Variants in ADAM9 observed in about 807,000 individuals in gnomAD.
ADAM9 encodes ADAM metallopeptidase domain 9, also known as disintegrin and metalloproteinase domain-containing protein 9.
A neutral mutation model predicts 108.1 loss-of-function variants in ADAM9; 54 were observed. That is an observed-to-expected ratio of 0.50 (90% CI 0.40 to 0.63). ADAM9 has a LOEUF of 0.63. ADAM9 is among the 20% of genes least tolerant of loss of function. The probability of loss-of-function intolerance (pLI) is 0.00; values close to 1 mark genes in which losing one functional copy is unlikely to be tolerated. For synonymous variants in ADAM9, 316 were observed against 336.0 expected (o/e 0.94, Z 0.65); for missense variants, 830 against 997.7 (o/e 0.83, Z 2.26).
intron 11 of ADAM9, among the ~76,000 whole-genome samples, chr8:39,027,303 T>C (rs564286339): frequency 6.6e-6 from 1 of 152,232 alleles, no homozygotes; most frequent in Non-Finnish European, 1.5e-5. Context: ...GATCCTGATA[T>C]ATTTCTATTA....
intron 2 of ADAM9, 119 bp from the exon 3 acceptor site, chr8:39,011,539 T>C: frequency 1.1e-6 from 1 of 875,502 alleles, no homozygotes; most frequent in East Asian, 2.5e-5. Context: ...ATTAAATAGT[T>C]CAGCCAATAC....
intron 20 of ADAM9, among the ~76,000 whole-genome samples, chr8:39,095,745 TGCTATTTA>T (rs1657917487): frequency 6.6e-6 from 1 of 152,208 alleles, no homozygotes. Flanking sequence ...AGTATTGGGT[TGCTATTTA>T]GCTCTCTCTC....
At chr8:39,046,446 C>T (rs539435259) in intron 12 of ADAM9, among the ~76,000 whole-genome samples, 1 of 152,016 alleles carries the variant, frequency 6.6e-6, no homozygotes, top group Non-Finnish European at 1.5e-5. Flanking sequence ...GATTTAGATG[C>T]CTTTTAGTTT....
chr8:39,005,645 A>G (rs2129431719), intron 1 of ADAM9, among the ~76,000 whole-genome samples: 1 of 152,348 alleles, frequency 6.6e-6, no homozygotes, highest in Non-Finnish European at 1.5e-5. Flanking sequence ...AAGCAGAGTC[A>G]GTCCAAATTG....
At chr8:38,999,272 A>G (rs1486416251) in intron 1 of ADAM9, among the ~76,000 whole-genome samples, 1 of 152,126 alleles carries the variant, frequency 6.6e-6, no homozygotes, top group Non-Finnish European at 1.5e-5. Context: ...ACCTTTTATA[A>G]CATTGTCTCA....
chr8:39,000,010 C>T (rs1479353169), intron 1 of ADAM9, among the ~76,000 whole-genome samples: 1 of 152,092 alleles, frequency 6.6e-6, no homozygotes, highest in Non-Finnish European at 1.5e-5. Context: ...TTTTGTATCT[C>T]AGTAGCTAAT....
chr8:39,027,908 A>C (rs961595922), intron 11 of ADAM9, among the ~76,000 whole-genome samples: 1 of 152,078 alleles, frequency 6.6e-6, no homozygotes, highest in Non-Finnish European at 1.5e-5. Flanking sequence ...GTCTCTAAAA[A>C]AAAATAAATA....
intron 19 of ADAM9, among the ~76,000 whole-genome samples, chr8:39,090,645 A>G (rs1839323365): frequency 6.6e-6 from 1 of 152,214 alleles, no homozygotes; most frequent in Non-Finnish European, 1.5e-5. Context: ...TATGTTGGTC[A>G]GCCTTTAGGC....
intron 18 of ADAM9, 21 bp downstream of exon 18, chr8:39,083,094 T>C: frequency 1.3e-6 from 2 of 1,599,986 alleles, no homozygotes; most frequent in Non-Finnish European, 1.7e-6. Context: ...TAGAAGAAAA[T>C]TAGTGTGATC....
intron 11 of ADAM9, 43 bp from the exon 12 acceptor site, chr8:39,041,903 G>T: frequency 6.4e-7 from 1 of 1,558,574 alleles, no homozygotes. Flanking sequence ...TTCAAAGTGA[G>T]TAATCACTGT....
chr8:39,002,421 T>G (rs1588317470), intron 1 of ADAM9, among the ~76,000 whole-genome samples: 1 of 146,580 alleles, frequency 6.8e-6, no homozygotes, highest in South Asian at 2.1e-4. Flanking sequence ...CAGGTTCAAG[T>G]GATTCTTCTG....
chr8:39,055,790 A>G lies in ADAM9; in HGVS notation c.1591+18A>G. 2 of 1,603,700 alleles carry G rather than the reference A, an allele frequency of 1.2e-6. No homozygotes were observed. Among genetic ancestry groups the G allele is most frequent in the Non-Finnish European group, 1.7e-6 (2 of 1,171,792 alleles). The stretch of plus-strand genomic sequence containing the variant: ...TGGCTCAAGTAAGATATCATCATTT[A>G]TAATTGATTGCTTCGATATTATTTA... On this transcript the variant is annotated intron_variant, in intron 14 of 21. Transcript: ENST00000487273.
At chr8:39,045,587 T>TATATATATATATATAA (rs1230398174) in intron 12 of ADAM9, among the ~76,000 whole-genome samples, 1 of 148,830 alleles carries the variant, frequency 6.7e-6, no homozygotes, top group African/African-American at 2.5e-5. Context: ...TATATATATA[T>TATATATATATATATAA]AAAAGATTTT....
Position 39,090,197 on chromosome 8 carries a change from A to AT in ADAM9, c.2210+16dup, listed in dbSNP as rs758789276. Reference sequence around the variant, plus strand: ...AGATCACAAACATATGAGTACTTAGATTTTTTTCTTTTAATTCCTATATTA... The same window carrying AT: ...AGATCACAAACATATGAGTACTTAGATTTTTTTTCTTTTAATTCCTATATTA... On this transcript the variant is annotated intron_variant, in intron 19 of 21. Transcript: ENST00000487273. The AT allele has an allele frequency of 5.6e-6, 9 of 1,609,128 alleles. No homozygotes were observed. Among genetic ancestry groups the AT allele is most frequent in the South Asian group, 4.4e-5 (4 of 90,354 alleles).
At chr8:39,025,919 G>T (rs1178110418) in intron 10 of ADAM9, 35 bp downstream of exon 10, 1 of 1,579,310 alleles carries the variant, frequency 6.3e-7, no homozygotes, top group East Asian at 2.2e-5. Flanking sequence ...TTGGATGTTT[G>T]CACTGGGACA....
At chr8:39,046,839 G>A (rs1205566567) in intron 12 of ADAM9, among the ~76,000 whole-genome samples, 1 of 151,944 alleles carries the variant, frequency 6.6e-6, no homozygotes, top group Non-Finnish European at 1.5e-5. Context: ...TGTGAACACA[G>A]CTCACTGCAG....
intron 12 of ADAM9, among the ~76,000 whole-genome samples, chr8:39,048,430 T>G (rs1837845111): frequency 6.6e-6 from 1 of 152,226 alleles, no homozygotes; most frequent in Non-Finnish European, 1.5e-5. Flanking sequence ...TCCATTTTGG[T>G]CAGAAAATAT....
intron 12 of ADAM9, among the ~76,000 whole-genome samples, chr8:39,045,261 T>C (rs1029209729): frequency 6.8e-6 from 1 of 147,282 alleles, no homozygotes; most frequent in African/African-American, 2.5e-5. Flanking sequence ...TATGTGTATA[T>C]ATGTGTATAC....
chr8:39,042,605 C>G (rs1437394219), intron 12 of ADAM9, among the ~76,000 whole-genome samples: 1 of 151,998 alleles, frequency 6.6e-6, no homozygotes, highest in Non-Finnish European at 1.5e-5. Flanking sequence ...GTAAAAGCAA[C>G]CTTACACACG....
Sources: allele counts gnomAD v4.1 joint callset (sites outside exome capture counted in the v4.1 genomes callset), GRCh38; gene constraint gnomAD v4.1.1; transcripts MANE v1.5; gene names NCBI Gene and HGNC (gene_info 2026-07-23, HGNC 2026-07-21).